MGAT5B: variants seen among roughly 807,000 people sequenced by gnomAD.
MGAT5B encodes the protein N-acetylglucosaminyl-transferase Vb.
In MGAT5B, 54 loss-of-function variants were observed where a neutral mutation model predicts 95.1. That is an observed-to-expected ratio of 0.57 (90% CI 0.46 to 0.71). MGAT5B has a LOEUF of 0.71. MGAT5B is among the 30% of genes least tolerant of loss of function. The pLI, the probability that MGAT5B is intolerant of heterozygous loss-of-function variation, is 0.00. For synonymous variants in MGAT5B, 464 were observed against 451.0 expected, an observed-to-expected ratio of 1.03 and a Z score of -0.36; for missense variants, 935 against 1,088.6, an observed-to-expected ratio of 0.86 and a Z score of 1.99.
chr17:76,886,531 C>A (rs1482979454), intron 3 of MGAT5B, among the ~76,000 whole-genome samples: 2 of 152,240 alleles, frequency 1.3e-5, no homozygotes, highest in South Asian at 2.1e-4. Context: ...ATCACCAAGT[C>A]CCCATGGCAC....
At chr17:76,904,507 G>T in intron 6 of MGAT5B, 85 bp downstream of exon 6, 1 of 1,422,670 alleles carries the variant, frequency 7.0e-7, no homozygotes. Flanking sequence ...TCTGTCCTGA[G>T]GGAATGAGAC....
At chr17:76,877,925 T>C (rs1200823725) in intron 2 of MGAT5B, among the ~76,000 whole-genome samples, 1 of 151,936 alleles carries the variant, frequency 6.6e-6, no homozygotes, top group East Asian at 1.9e-4. Context: ...ATCCCGTCTG[T>C]AAATGAGAGG....
chr17:76,897,733 T>TTCTTTTC (rs1304460667), intron 3 of MGAT5B, among the ~76,000 whole-genome samples: 1 of 69,424 alleles, frequency 1.4e-5, no homozygotes, highest in Non-Finnish European at 2.3e-5. Flanking sequence ...TTCTTTTTCT[T>TTCTTTTC]TTTTTTTTTT....
At chr17:76,948,316 G>A (rs1443954260) in intron 17 of MGAT5B, among the ~76,000 whole-genome samples, 1 of 152,144 alleles carries the variant, frequency 6.6e-6, no homozygotes, top group Non-Finnish European at 1.5e-5. Flanking sequence ...TCCTTCCATT[G>A]CCTGCTCTCT....
At chr17:76,909,700 C>A (rs978344911) in intron 8 of MGAT5B, among the ~76,000 whole-genome samples, 1 of 152,106 alleles carries the variant, frequency 6.6e-6, no homozygotes, top group Non-Finnish European at 1.5e-5. Context: ...TCTGTGACTC[C>A]GATCAGAGGG....
intron 8 of MGAT5B, among the ~76,000 whole-genome samples, chr17:76,908,835 C>T (rs1303695773): frequency 8.1e-5 from 12 of 148,498 alleles, no homozygotes; most frequent in African/African-American, 2.7e-4. Context: ...GAGATGGAGT[C>T]TCACTCTGTC....
At chr17:76,923,110 G>C (rs1434972654) in intron 8 of MGAT5B, among the ~76,000 whole-genome samples, 1 of 152,186 alleles carries the variant, frequency 6.6e-6, no homozygotes, top group Admixed American at 6.5e-5. Flanking sequence ...CACTTTGGAC[G>C]GTGTGCTAAC....
chr17:76,891,671 C>T (rs1031178756), intron 3 of MGAT5B, among the ~76,000 whole-genome samples: 4 of 152,250 alleles, frequency 2.6e-5, no homozygotes, highest in South Asian at 2.1e-4. Context: ...TGAGCCACTG[C>T]GCCCGGCCCT....
Position 76,948,826 on chromosome 17 carries a change from G to C in MGAT5B, c.2367G>C (p.Gln789His). The change falls in exon 18 of 18, where the codon CAG becomes CAC. Residue 789 changes from glutamine to histidine, a missense_variant. By Grantham distance (24) the Gln-to-His change is conservative. Coordinates refer to ENST00000569840, the MANE Select transcript of MGAT5B (RefSeq NM_001199172.2). ...GCAAGGGCCAGGTGGCCTTGTGCCA[G>C]GGCTGTCTGTGAATCCGCCTCTGCC... ...DFRKGQVALC[Q>H]GCL is the part of the protein sequence containing the mutation. The C allele has an allele frequency of 8.8e-6, 14 of 1,599,356 alleles. No individual in the cohort carries two copies. Among genetic ancestry groups the C allele is most frequent in the Non-Finnish European group, 1.2e-5 (14 of 1,174,128 alleles).
At position 76,914,917 on chromosome 17, in the gene MGAT5B, C is replaced by A. The variant is rs571506606; in HGVS notation, c.1025+8730C>A. Among the ~76,000 whole-genome samples, 2 of 152,176 alleles carry A rather than the reference C, an allele frequency of 1.3e-5. No individual in the cohort carries two copies. The highest frequency in any genetic ancestry group is 4.8e-5 in the African/African-American group (2 of 41,446). On this transcript the variant is annotated intron_variant, in intron 8 of 17. Coordinates refer to ENST00000569840, the MANE Select transcript of MGAT5B (RefSeq NM_001199172.2). The surrounding 1 kb of genome is among the most constrained non-coding windows in gnomAD (Gnocchi z 5.1). ...CCTCCCAAAGTGCTGGGATTACAGG[C>A]GTGAGCCACTGCCCCCGGCCACGTT...
chr17:76,883,511 C>G (rs1967508753), intron 3 of MGAT5B, among the ~76,000 whole-genome samples: 1 of 152,104 alleles, frequency 6.6e-6, no homozygotes, highest in Admixed American at 6.5e-5. Flanking sequence ...AATCATGTGT[C>G]CTAGGTATAT....
chr17:76,948,496 A>G lies in MGAT5B; in HGVS notation c.2181-144A>G. On this transcript the variant is annotated intron_variant, in intron 17 of 17. Coordinates refer to ENST00000569840, the MANE Select transcript of MGAT5B (RefSeq NM_001199172.2). ...ACAGCAGGTGGGATAAAGGAGCCGT[A>G]ACACATTTCCTTACCCAGGCTGGGA... 3.3e-6 allele frequency: 3 copies of G among 911,050 alleles called. No homozygotes were observed. The South Asian group carries it at 5.2e-5, about 16-fold the overall frequency. 56.4% of individuals were successfully genotyped at this position (911,050 alleles called of 1,614,324 possible).
intron 8 of MGAT5B, among the ~76,000 whole-genome samples, chr17:76,921,443 CA>C (rs1190748873): frequency 2.6e-5 from 4 of 152,084 alleles, no homozygotes; most frequent in Non-Finnish European, 5.9e-5. Context: ...GATTGCTCAG[CA>C]GGGGGCCCCT....
At chr17:76,886,489 G>A (rs1169084519) in intron 3 of MGAT5B, among the ~76,000 whole-genome samples, 1 of 152,246 alleles carries the variant, frequency 6.6e-6, no homozygotes, top group Non-Finnish European at 1.5e-5. Context: ...CCAGAGAAGG[G>A]GGTGACCCAA....
chr17:76,869,222 A>T lies in MGAT5B; in HGVS notation c.68+125A>T. Reference sequence around the variant, plus strand: ...GCGGTTCACACTTCAACCCCTGGTGATGACCAGTGGGGCTGGGCTGGGGGA... The same window carrying T: ...GCGGTTCACACTTCAACCCCTGGTGTTGACCAGTGGGGCTGGGCTGGGGGA... On this transcript the variant is annotated intron_variant, in intron 1 of 17. Coordinates refer to ENST00000569840, the MANE Select transcript of MGAT5B (RefSeq NM_001199172.2). This position sits in a 1 kb window ranked among gnomAD's most constrained non-coding sequence, Gnocchi z 7.0. 49 of 739,396 alleles carry T rather than the reference A, an allele frequency of 6.6e-5. No individual in the cohort carries two copies. Among genetic ancestry groups the T allele is most frequent in the East Asian group, 1.2e-4 (4 of 32,536 alleles). 45.8% of individuals were successfully genotyped at this position (739,396 alleles called of 1,614,324 possible).
At chr17:76,892,223 T>G (rs1967898376) in intron 3 of MGAT5B, among the ~76,000 whole-genome samples, 1 of 152,116 alleles carries the variant, frequency 6.6e-6, no homozygotes, top group Non-Finnish European at 1.5e-5. Flanking sequence ...AATTTCTGTA[T>G]TTTTAGGGGA....
In MGAT5B at chr17:76,869,381, T is replaced by G. The variant is rs1810850547; in HGVS notation, c.68+284T>G. On this transcript the variant is annotated intron_variant, in intron 1 of 17. Coordinates refer to ENST00000569840, the MANE Select transcript of MGAT5B (RefSeq NM_001199172.2). The surrounding 1 kb of genome is among the most constrained non-coding windows in gnomAD (Gnocchi z 7.0). Reference sequence around the variant, plus strand: ...GGGGCAGAAAACCCCCAGGTCGTGGTCCTGGGCCCAGAAAGTTGCCCCAGC... The same window carrying G: ...GGGGCAGAAAACCCCCAGGTCGTGGGCCTGGGCCCAGAAAGTTGCCCCAGC... Among the ~76,000 whole-genome samples, 1 of 151,926 alleles carries G rather than the reference T, an allele frequency of 6.6e-6. No individual in the cohort carries two copies. Among genetic ancestry groups the G allele is most frequent in the African/African-American group, 2.4e-5 (1 of 41,340 alleles).
intron 1 of MGAT5B, among the ~76,000 whole-genome samples, chr17:76,871,791 G>A (rs959768525): frequency 4.6e-5 from 7 of 152,266 alleles, no homozygotes; most frequent in East Asian, 1.9e-4. Context: ...GTGGGAGGGC[G>A]CCCCTCTCAG....
In MGAT5B at chr17:76,926,625, G is replaced by A. The variant is rs1969321762; in HGVS notation, c.1186G>A (p.Gly396Arg). ...CCGAATCAGGGTCATCGACACCTTC[G>A]GGACGGAACCTGCGTACAACCACGA... is the stretch of plus-strand genomic sequence containing the variant. Reference protein sequence around the residue: ...RCRIRVIDTFGTEPAYNHEEY... With the variant: ...RCRIRVIDTFRTEPAYNHEEY... Residue 396 changes from glycine (G) to arginine (R), a missense_variant, in exon 10 of 18, where the codon GGG (glycine) becomes AGG (arginine). By Grantham distance (125) the Gly-to-Arg change is moderately radical (BLOSUM62 -2). Coordinates refer to ENST00000569840, the MANE Select transcript of MGAT5B (RefSeq NM_001199172.2). The A allele has an allele frequency of 1.9e-6, 3 of 1,612,538 alleles. No homozygotes were observed. Among genetic ancestry groups the A allele is most frequent in the South Asian group, 1.1e-5 (1 of 91,072 alleles).
Sources: gnomAD v4.1 joint callset for allele counts (sites outside exome capture counted in the v4.1 genomes callset) on GRCh38, gnomAD v4.1.1 for gene constraint, Gnocchi (gnomAD v3.1) non-coding constraint, MANE v1.5 for transcripts, NCBI Gene and HGNC (gene_info 2026-07-23, HGNC 2026-07-21) for gene names.